The following GRIP1 variants were observed in gnomAD, a reference collection of about 807,000 sequenced individuals.
The protein encoded by GRIP1 is glutamate receptor-interacting protein 1.
In GRIP1, 45 loss-of-function variants were observed where a neutral mutation model predicts 129.9. The observed-to-expected ratio is 0.35, with a 90% confidence interval of 0.27 to 0.44. GRIP1 has a LOEUF of 0.44. Ranked by LOEUF, GRIP1 falls within the 20% of genes least tolerant of loss-of-function variation. GRIP1 has a pLI of 1.00. For missense variants in GRIP1, 1,196 were observed against 1,396.8 expected (o/e 0.86, Z 2.29); for synonymous variants, 530 against 520.8 (o/e 1.02, Z -0.24).
At chr12:66,681,210 G>A (rs1344891300), upstream of GRIP1, among the ~76,000 whole-genome samples, 1 of 152,118 alleles carries the variant, frequency 6.6e-6, no homozygotes, top group Non-Finnish European at 1.5e-5. Flanking sequence ...GCCTCCTGGA[G>A]TAATTCTTTT....
intron 3 of GRIP1, among the ~76,000 whole-genome samples, chr12:66,540,121 C>T (rs749376910): frequency 2.0e-5 from 3 of 152,192 alleles, no homozygotes; most frequent in Admixed American, 6.5e-5. Flanking sequence ...TCAACTTAAC[C>T]GCCTAATGCT....
chr12:66,871,076 T>C (rs2040287766), intron 1 of GRIP1, among the ~76,000 whole-genome samples: 1 of 152,124 alleles, frequency 6.6e-6, no homozygotes, highest in East Asian at 1.9e-4. Flanking sequence ...AATGAAAATC[T>C]CAGCACTGAT....
intron 1 of GRIP1, among the ~76,000 whole-genome samples, chr12:67,062,612 T>C (rs546893788): frequency 1.3e-5 from 2 of 152,214 alleles, no homozygotes; most frequent in South Asian, 2.1e-4. Context: ...GTAGAGAAGC[T>C]GTCCTAGAGT....
chr12:66,848,138 T>C (rs956489872), intron 1 of GRIP1, among the ~76,000 whole-genome samples: 9 of 152,162 alleles, frequency 5.9e-5, no homozygotes, highest in Non-Finnish European at 1.3e-4. Flanking sequence ...CAAAGCCAAG[T>C]TGAAATTTGT....
At chr12:66,747,897 A>G (rs1158527586) in intron 1 of GRIP1, among the ~76,000 whole-genome samples, 1 of 152,318 alleles carries the variant, frequency 6.6e-6, no homozygotes, top group East Asian at 1.9e-4. Flanking sequence ...TTCACGTAAT[A>G]CGGATTCAGA....
chr12:66,485,310 T>G (rs992082683), intron 7 of GRIP1, among the ~76,000 whole-genome samples: 5 of 152,194 alleles, frequency 3.3e-5, no homozygotes, highest in Non-Finnish European at 7.3e-5. Context: ...ATACAGTTAT[T>G]GGCCATTTGA....
At chr12:66,865,912 A>C (rs1252313839) in intron 1 of GRIP1, among the ~76,000 whole-genome samples, 1 of 152,102 alleles carries the variant, frequency 6.6e-6, no homozygotes. Context: ...TTCTATATGT[A>C]ACTCTCCATT....
At chr12:66,970,020 G>A (rs953679946) in intron 1 of GRIP1, among the ~76,000 whole-genome samples, 3 of 152,158 alleles carry the variant, frequency 2.0e-5, no homozygotes, top group Non-Finnish European at 2.9e-5. Context: ...CAAAATCTGC[G>A]TCACATCTGA....
chr12:66,438,108 C>T (rs970764391), intron 13 of GRIP1, among the ~76,000 whole-genome samples: 4 of 152,300 alleles, frequency 2.6e-5, no homozygotes, highest in South Asian at 4.1e-4. Flanking sequence ...TCTGGGGTTG[C>T]TGGACAGCCT....
chr12:66,748,440 G>T (rs1390133217), intron 1 of GRIP1, among the ~76,000 whole-genome samples: 1 of 152,130 alleles, frequency 6.6e-6, no homozygotes, highest in Non-Finnish European at 1.5e-5. Flanking sequence ...GTAAAATAAG[G>T]GTAATAGTAA....
At chr12:66,903,806 G>T (rs1276561144) in intron 1 of GRIP1, among the ~76,000 whole-genome samples, 2 of 152,172 alleles carry the variant, frequency 1.3e-5, no homozygotes, top group Non-Finnish European at 2.9e-5. Flanking sequence ...AGGATAATTA[G>T]ATATCACCAA....
Position 66,435,632 on chromosome 12 carries a change from G to A in GRIP1, c.1688-3004C>T, listed in dbSNP as rs545706573. ...GCATCTTGCCCATGATGCTAAGCTT[G>A]TGTAAGTGAGGTCTTTGAAACACAA... On this transcript the variant is annotated intron_variant, in intron 13 of 24. Coordinates refer to ENST00000359742, the MANE Select transcript of GRIP1 (RefSeq NM_001366722.1). 1.6e-4 allele frequency among the ~76,000 whole-genome samples: 24 copies of A among 152,298 alleles called. No individual in the cohort carries two copies. In the South Asian group the frequency reaches 3.1e-3, roughly 20 times the overall value.
At chr12:66,713,099 T>C (rs1349055003) in intron 1 of GRIP1, among the ~76,000 whole-genome samples, 1 of 152,026 alleles carries the variant, frequency 6.6e-6, no homozygotes, top group Non-Finnish European at 1.5e-5. Context: ...CAGCAGACTA[T>C]TTTTCTTCCA....
chr12:67,021,106 A>G (rs769980639), intron 1 of GRIP1, among the ~76,000 whole-genome samples: 1 of 152,176 alleles, frequency 6.6e-6, no homozygotes, highest in Non-Finnish European at 1.5e-5. Context: ...TCAAAAAAAT[A>G]TGAAATAAAA....
intron 1 of GRIP1, among the ~76,000 whole-genome samples, chr12:66,960,047 T>C (rs2041900934): frequency 6.6e-6 from 1 of 152,112 alleles, no homozygotes; most frequent in South Asian, 2.1e-4. Context: ...AAGAAATATA[T>C]GGTATGTTTA....
intron 24 of GRIP1, among the ~76,000 whole-genome samples, chr12:66,351,199 C>T (rs2054205388): frequency 6.6e-6 from 1 of 152,188 alleles, no homozygotes; most frequent in South Asian, 2.1e-4. Context: ...GAACACATCC[C>T]TGAAAGCCAA....
At chr12:66,777,960 A>T (rs1353372580) in intron 1 of GRIP1, among the ~76,000 whole-genome samples, 1 of 152,152 alleles carries the variant, frequency 6.6e-6, no homozygotes, top group African/African-American at 2.4e-5. Context: ...AGCCACTCAT[A>T]GCTAATGAGC....
intron 1 of GRIP1, among the ~76,000 whole-genome samples, chr12:66,642,830 G>C (rs745740669): frequency 6.6e-5 from 10 of 152,176 alleles, no homozygotes; most frequent in Middle Eastern, 3.4e-3. Context: ...AGTGATAATA[G>C]CACAGAAATA....
intron 1 of GRIP1, among the ~76,000 whole-genome samples, chr12:66,896,074 C>T (rs1214137098): frequency 6.6e-6 from 1 of 152,110 alleles, no homozygotes; most frequent in Non-Finnish European, 1.5e-5. Context: ...GCCAGCTAGA[C>T]AACTGTGCAT....
Sources: gnomAD v4.1 joint callset for allele counts (sites outside exome capture counted in the v4.1 genomes callset) on GRCh38, gnomAD v4.1.1 for gene constraint, MANE v1.5 for transcripts, NCBI Gene and HGNC (gene_info 2026-07-23, HGNC 2026-07-21) for gene names.